FAM131B: variants seen among roughly 807,000 people sequenced by gnomAD.
FAM131B encodes family with sequence similarity 131 member B.
In FAM131B, 19 loss-of-function variants were observed where a neutral mutation model predicts 42.0. The ratio of observed to expected loss-of-function variants is 0.45; its 90% CI spans 0.32 to 0.66. The LOEUF (loss-of-function observed/expected upper bound fraction) is 0.66. FAM131B is among the 30% of genes least tolerant of loss of function. FAM131B has a pLI of 0.05. For missense variants in FAM131B, 370 were observed against 468.4 expected (o/e 0.79, Z 1.94); for synonymous variants, 183 against 177.6 (o/e 1.03, Z -0.24).
chr7:143,360,228 A>T, intron 1 of FAM131B, 79 bp from the exon 2 acceptor site: 1 of 1,541,286 alleles, frequency 6.5e-7, no homozygotes, highest in South Asian at 1.2e-5. Context: ...AGCCCTTCAC[A>T]CCCCTTCCTT....
the FAM131B span, among the ~76,000 whole-genome samples, chr7:143,373,411 CTA>C: frequency 6.6e-6 from 1 of 152,084 alleles, no homozygotes; most frequent in Non-Finnish European, 1.5e-5. Flanking sequence ...CAACAGATGA[CTA>C]TATAGGATGT....
chr7:143,381,091 TGGGGCGGCG>T, the FAM131B span: 7 of 547,856 alleles, frequency 1.3e-5, no homozygotes, highest in Non-Finnish European at 1.6e-5. Context: ...TGAGCCGGGC[TGGGGCGGCG>T]GGGGCGGCAG....
At position 143,359,157 on chromosome 7, in the gene FAM131B, A is replaced by T. The variant is rs955432054; in HGVS notation, c.269-133T>A. 8.5e-5 allele frequency: 90 copies of T among 1,064,980 alleles called. No individual in the cohort carries two copies. Among genetic ancestry groups the T allele is most frequent in the Non-Finnish European group, 1.0e-4 (75 of 724,188 alleles). The allele number at this position is 1,064,980 out of a possible 1,614,324, so 66.0% of individuals were successfully genotyped here. A position where few individuals can be genotyped will look rare whatever the true frequency, so the allele number is the denominator to read the frequency against. ...CCAGGCTCCCCTAAGGACTCCATAGATGGGGTAGTGGAGGGAATGGCCTGG... is the reference window on the plus strand; with the variant it reads ...CCAGGCTCCCCTAAGGACTCCATAGTTGGGGTAGTGGAGGGAATGGCCTGG... On this transcript the variant is annotated intron_variant, in intron 4 of 6. Coordinates refer to ENST00000443739, the MANE Select transcript of FAM131B (RefSeq NM_001031690.3). The surrounding 1 kb of genome is among the most constrained non-coding windows in gnomAD (Gnocchi z 5.4).
chr7:143,360,396 G>A lies in FAM131B; in HGVS notation c.29-247C>T. ...CTTATTTGTTGTTGTTTATGTGGAG[G>A]GGTCAGAGGTTGGGTTTTATCAGAA... On this transcript the variant is annotated intron_variant, in intron 1 of 6. Transcript: ENST00000443739. The A allele has an allele frequency of 2.9e-6, 4 of 1,362,524 alleles. 1 individual carries two copies. In the South Asian group the frequency reaches 4.8e-5, roughly 16 times the overall value. 84.4% of individuals were successfully genotyped at this position (1,362,524 alleles called of 1,614,324 possible).
upstream of FAM131B, chr7:143,364,168 T>G (rs1030569848): frequency 6.6e-6 from 1 of 152,134 alleles, no homozygotes; most frequent in African/African-American, 2.4e-5. Flanking sequence ...TGGAGAGAAT[T>G]AGAAAGCATT....
chr7:143,371,939 T>C, the FAM131B span, among the ~76,000 whole-genome samples: 1 of 152,172 alleles, frequency 6.6e-6, no homozygotes, highest in African/African-American at 2.4e-5. Flanking sequence ...TTAGTTTGAT[T>C]TGATGTAGGT....
Position 143,357,561 on chromosome 7 carries a change from T to C in FAM131B, c.467-138A>G, listed in dbSNP as rs981046805. 8 of 519,226 alleles carry C rather than the reference T, an allele frequency of 1.5e-5. No individual in the cohort carries two copies. The African/African-American group carries it at 1.6e-4, about 10-fold the overall frequency. The allele number at this position is 519,226 out of a possible 1,614,324, so 32.2% of individuals were successfully genotyped here. On this transcript the variant is annotated intron_variant, in intron 5 of 6. Transcript: ENST00000443739. ...ACTTATATCATTTTAAATTTTCCAG[T>C]AGCCACATTTAAAATTAAAAAGAAA...
the FAM131B span, among the ~76,000 whole-genome samples, chr7:143,369,245 G>A: frequency 1.3e-5 from 2 of 152,162 alleles, no homozygotes; most frequent in East Asian, 3.8e-4. Flanking sequence ...CCTATCCTAA[G>A]ATGCACCCCT....
upstream of FAM131B, chr7:143,363,813 A>G (rs1253353706): frequency 6.6e-6 from 1 of 152,228 alleles, no homozygotes; most frequent in East Asian, 1.9e-4. Context: ...CCGAGGTTGC[A>G]GAGAGAGAAG....
intron 6 of FAM131B, 48 bp from the exon 7 acceptor site, chr7:143,357,070 C>A: frequency 7.2e-7 from 1 of 1,387,938 alleles, no homozygotes; most frequent in Non-Finnish European, 1.0e-6. Context: ...ATGTCAAGGG[C>A]AGGAATGACA....
chr7:143,381,007 C>T, the FAM131B span: 36 of 274,834 alleles, frequency 1.3e-4, no homozygotes, highest in Non-Finnish European at 1.9e-4. Flanking sequence ...ATCTCGGGCA[C>T]CCGCGGGTCG....
At chr7:143,357,694 C>A (rs1051767361) in intron 5 of FAM131B, among the ~76,000 whole-genome samples, 1 of 152,238 alleles carries the variant, frequency 6.6e-6, no homozygotes, top group South Asian at 2.1e-4. Context: ...ATTTTACATT[C>A]TTTTATTTAT....
In FAM131B at chr7:143,358,170, C is replaced by T. The variant is rs1464908664; in HGVS notation, c.466+657G>A. Among the ~76,000 whole-genome samples, 1 of 152,130 alleles carries T rather than the reference C, an allele frequency of 6.6e-6. No homozygotes were observed. The highest frequency in any genetic ancestry group is 1.5e-5 in the Non-Finnish European group (1 of 68,014). On this transcript the variant is annotated intron_variant, in intron 5 of 6. Transcript: ENST00000443739. The surrounding 1 kb of genome is among the most constrained non-coding windows in gnomAD (Gnocchi z 4.7). ...GTTGAAGCTGGTACTGCTCCTGCCC[C>T]CCACCCTACATGTTTGTCACCCTGT... is the stretch of plus-strand genomic sequence containing the variant.
the FAM131B span, among the ~76,000 whole-genome samples, chr7:143,370,121 T>C: frequency 6.6e-6 from 1 of 152,208 alleles, no homozygotes; most frequent in African/African-American, 2.4e-5. Flanking sequence ...TTATTACTGA[T>C]GGTGGAAAAC....
In FAM131B at chr7:143,359,731, C is replaced by G. The variant is rs1346007152; in HGVS notation, c.174+1G>C. Reference sequence around the variant, plus strand: ...GGAGGTCTGGGGGCAGCTGCACTCACGTTGATGCCGTCCCAGGAGAAATCA... The same window carrying G: ...GGAGGTCTGGGGGCAGCTGCACTCAGGTTGATGCCGTCCCAGGAGAAATCA... On this transcript the variant is annotated splice_donor_variant, in intron 3 of 6. Transcript: ENST00000443739. LOFTEE classifies it high-confidence loss of function. This position sits in a 1 kb window ranked among gnomAD's most constrained non-coding sequence, Gnocchi z 5.4. The G allele has an allele frequency of 2.5e-6, 4 of 1,569,974 alleles. No homozygotes were observed. The highest frequency in any genetic ancestry group is 3.5e-6 in the Non-Finnish European group (4 of 1,156,746).
At position 143,359,230 on chromosome 7, in the gene FAM131B, GA is replaced by G. The variant is rs1301361880; in HGVS notation, c.268+95del. ...GGTGAATAGGTCAGGGGGTGGGGAT[GA>G]GGGTCTTCATCAACCTCGAAGGAGC... On this transcript the variant is annotated intron_variant, in intron 4 of 6. Transcript: ENST00000443739. The surrounding 1 kb of genome is among the most constrained non-coding windows in gnomAD (Gnocchi z 5.4). 3 of 1,094,234 alleles carry G rather than the reference GA, an allele frequency of 2.7e-6. No homozygotes were observed. Among genetic ancestry groups the G allele is most frequent in the Non-Finnish European group, 4.1e-6 (3 of 728,480 alleles). 67.8% of individuals were successfully genotyped at this position (1,094,234 alleles called of 1,614,324 possible).
At chr7:143,381,738 A>G in the FAM131B span, 2 of 1,595,918 alleles carry the variant, frequency 1.3e-6, no homozygotes, top group Non-Finnish European at 1.7e-6. Context: ...CAGCGCGCAC[A>G]GATGGGCCGG....
At chr7:143,363,093 G>A (rs1036478996), upstream of FAM131B, among the ~76,000 whole-genome samples, 1 of 152,208 alleles carries the variant, frequency 6.6e-6, no homozygotes, top group Non-Finnish European at 1.5e-5. Flanking sequence ...GAGAAAGTGG[G>A]GTGGTGGTGA....
In FAM131B at chr7:143,359,978, T is replaced by C; in HGVS notation, c.138+62A>G. On this transcript the variant is annotated intron_variant, in intron 2 of 6. Transcript: ENST00000443739. The surrounding 1 kb of genome is among the most constrained non-coding windows in gnomAD (Gnocchi z 5.4). ...TCAGTCTGAAGGAGTGTTTGGGTTG[T>C]TGCCTTGGAATTGAGGAAGTGCAGG... is the stretch of plus-strand genomic sequence containing the variant. 1.6e-6 allele frequency: 2 copies of C among 1,277,948 alleles called. No individual in the cohort carries two copies. The highest frequency in any genetic ancestry group is 2.3e-6 in the Non-Finnish European group (2 of 883,934). 79.2% of individuals were successfully genotyped at this position (1,277,948 alleles called of 1,614,324 possible). A position where few individuals can be genotyped will look rare whatever the true frequency, so the allele number is the denominator to read the frequency against.
Sources: gnomAD v4.1 joint callset for allele counts (sites outside exome capture counted in the v4.1 genomes callset) on GRCh38, gnomAD v4.1.1 for gene constraint, Gnocchi (gnomAD v3.1) non-coding constraint, MANE v1.5 for transcripts, NCBI Gene and HGNC (gene_info 2026-07-23, HGNC 2026-07-21) for gene names.